The following MAST3 variants were observed in gnomAD, a reference collection of about 807,000 sequenced individuals.
MAST3 encodes microtubule associated serine/threonine kinase 3, also known as microtubule-associated serine/threonine-protein kinase 3.
In MAST3, 43 loss-of-function variants were observed where a neutral mutation model predicts 127.0. The ratio of observed to expected loss-of-function variants is 0.34; its 90% CI spans 0.27 to 0.44. The LOEUF is 0.44. Among genes scored for constraint, MAST3 ranks in the 20% least tolerant of loss-of-function variants. MAST3 has a pLI of 1.00. For missense variants in MAST3, 1,390 were observed against 1,919.1 expected (o/e 0.72, Z 5.15); for synonymous variants, 785 against 809.2 (o/e 0.97, Z 0.51).
intron 1 of MAST3, among the ~76,000 whole-genome samples, chr19:18,098,434 G>A (rs1441441375): frequency 2.0e-5 from 3 of 152,112 alleles, no homozygotes; most frequent in Non-Finnish European, 4.4e-5. Context: ...GTGTGACCTG[G>A]GGGGAGGGCA....
intron 11 of MAST3, among the ~76,000 whole-genome samples, 166 bp downstream of exon 11, chr19:18,124,940 C>CT (rs1555798745): frequency 6.6e-6 from 1 of 150,830 alleles, no homozygotes; most frequent in East Asian, 2.0e-4. Context: ...AACCCCCCCC[C>CT]TACTAAAAAT....
intron 3 of MAST3, among the ~76,000 whole-genome samples, chr19:18,114,888 A>AGCG (rs2039049806): frequency 1.3e-5 from 2 of 152,052 alleles, no homozygotes; most frequent in African/African-American, 4.8e-5. Context: ...TGGTGCTGGG[A>AGCG]GCGGCACAGA....
chr19:18,129,966 G>A (rs1288294888), intron 13 of MAST3, among the ~76,000 whole-genome samples: 1 of 147,316 alleles, frequency 6.8e-6, no homozygotes, highest in Admixed American at 6.8e-5. Context: ...AAATACACAA[G>A]CAGCCAGGTG....
chr19:18,149,996 T>TG lies in MAST3; in HGVS notation c.*270_*271insG, dbSNP rs2043422603. On this transcript the variant is annotated 3_prime_UTR_variant, in exon 28 of 28. Transcript: ENST00000687212. The surrounding 1 kb of genome is among the most constrained non-coding windows in gnomAD (Gnocchi z 5.9). ...ATTACTTTTTTTTTCTTTTTTTTTT[T>TG]TTTTTTTTGAGACAGAGTCTCACTC... is the stretch of plus-strand genomic sequence containing the variant. 1 of 367,302 alleles carries TG rather than the reference T, an allele frequency of 2.7e-6. No homozygotes were observed. The allele number at this position is 367,302 out of a possible 1,614,324, so 22.8% of individuals were successfully genotyped here. A position where few individuals can be genotyped will look rare whatever the true frequency, so the allele number is the denominator to read the frequency against.
chr19:18,128,114 G>T (rs1413690949), intron 11 of MAST3, among the ~76,000 whole-genome samples: 1 of 152,166 alleles, frequency 6.6e-6, no homozygotes, highest in Non-Finnish European at 1.5e-5. Context: ...ACACCCAGGG[G>T]GCCTGTGTCT....
rs766811398 is a variant in MAST3, at chr19:18,123,167, A to C, written c.400-50A>C. The C allele has an allele frequency of 8.1e-5, 130 of 1,603,078 alleles. 1 individual carries two copies. The Admixed American group carries it at 2.2e-3, about 27-fold the overall frequency. On this transcript the variant is annotated intron_variant, in intron 6 of 27. Coordinates refer to ENST00000687212, the MANE Select transcript of MAST3 (RefSeq NM_001393504.1). The stretch of plus-strand genomic sequence containing the variant: ...GAGGGGTGGTGCTGGGTTCCTGGCC[A>C]CAGCACTGACGGTGAACTCATGGCT...
At position 18,128,890 on chromosome 19, in the gene MAST3, C is replaced by T. The variant is rs776335646; in HGVS notation, c.1162C>T (p.Arg388Trp). The change falls in exon 13 of 28, where the codon CGG (arginine) becomes TGG (tryptophan). Residue 388 changes from arginine to tryptophan, a missense_variant. Transcript: ENST00000687212. Reference protein sequence around the residue: ...PESRALVGQSRRKPCESDFET... With the variant: ...PESRALVGQSWRKPCESDFET... ...GAGCCGCGCCCTGGTCGGCCAGTCACGGAGGAAGCCATGCGAAAGCGACTT... is the reference window on the plus strand; with the variant it reads ...GAGCCGCGCCCTGGTCGGCCAGTCATGGAGGAAGCCATGCGAAAGCGACTT... 5.6e-6 allele frequency: 9 copies of T among 1,613,748 alleles called. No individual in the cohort carries two copies. In the East Asian group the frequency reaches 6.7e-5, roughly 12 times the overall value.
At chr19:18,142,873 A>G (rs1052699400) in intron 21 of MAST3, among the ~76,000 whole-genome samples, 3 of 151,772 alleles carry the variant, frequency 2.0e-5, no homozygotes, top group Non-Finnish European at 4.4e-5. Flanking sequence ...CACTTTGGGA[A>G]GCCGAGGCAG....
At chr19:18,132,478 T>C (rs1380345129) in intron 15 of MAST3, among the ~76,000 whole-genome samples, 1 of 152,160 alleles carries the variant, frequency 6.6e-6, no homozygotes, top group African/African-American at 2.4e-5. Flanking sequence ...AGACCTTACA[T>C]GTAAAGACAG....
chr19:18,115,964 G>T (rs926477408), intron 3 of MAST3, among the ~76,000 whole-genome samples: 1 of 152,196 alleles, frequency 6.6e-6, no homozygotes, highest in Non-Finnish European at 1.5e-5. Flanking sequence ...TGCATAGCCA[G>T]CTCCTTCCTC....
chr19:18,130,659 T>G lies in MAST3; in HGVS notation c.1389T>G (p.Phe463Leu), dbSNP rs1467534934. 1 of 1,614,002 alleles carries G rather than the reference T, an allele frequency of 6.2e-7. No homozygotes were observed. Among genetic ancestry groups the G allele is most frequent in the East Asian group, 2.2e-5 (1 of 44,898 alleles). ...TTGTGGTCAGCATGTTCTGCTCCTTTGAGACCCGGCGCCACCTATGTATGG... is the reference window on the plus strand; with the variant it reads ...TTGTGGTCAGCATGTTCTGCTCCTTGGAGACCCGGCGCCACCTATGTATGG... ...NPFVVSMFCS[F>L]ETRRHLCMVM... The change falls in exon 14 of 28, where the codon TTT (phenylalanine) becomes TTG (leucine). Residue 463 changes from phenylalanine (F) to leucine (L), a missense_variant. Phe to Leu is a conservative substitution (Grantham distance 22). This residue lies in a region of MAST3 where 191 missense variants were observed against 409.0 expected (regional missense o/e 0.47). Coordinates refer to ENST00000687212, the MANE Select transcript of MAST3 (RefSeq NM_001393504.1).
At chr19:18,102,194 C>T (rs187123267) in intron 1 of MAST3, among the ~76,000 whole-genome samples, 2 of 140,282 alleles carry the variant, frequency 1.4e-5, no homozygotes, top group Middle Eastern at 5.9e-3. Context: ...TTTTTTGAAA[C>T]GGAGTTTCAC....
At chr19:18,123,547 T>A (rs2040241197) in intron 7 of MAST3, 33 bp from the exon 8 acceptor site, 2 of 1,509,900 alleles carry the variant, frequency 1.3e-6, no homozygotes, top group East Asian at 4.7e-5. Context: ...TGGTCTCAGG[T>A]CCCATATCAC....
intron 6 of MAST3, 77 bp downstream of exon 6, chr19:18,122,828 C>A: frequency 7.0e-7 from 1 of 1,435,428 alleles, no homozygotes; most frequent in Non-Finnish European, 9.6e-7. Flanking sequence ...GTGTTTTTTT[C>A]AAGGTGTTGG....
chr19:18,107,102 C>T (rs1217693103), intron 1 of MAST3, among the ~76,000 whole-genome samples: 3 of 151,090 alleles, frequency 2.0e-5, no homozygotes, highest in Non-Finnish European at 4.4e-5. Context: ...AGGTGTGAGC[C>T]ACCGCACCCG....
chr19:18,146,573 G>A (rs546505855), intron 25 of MAST3, among the ~76,000 whole-genome samples: 1 of 152,260 alleles, frequency 6.6e-6, no homozygotes, highest in South Asian at 2.1e-4. Flanking sequence ...GGGGGATGGG[G>A]AGATGTTGGG....
chr19:18,116,060 T>C (rs896952255), intron 3 of MAST3, among the ~76,000 whole-genome samples: 1 of 151,366 alleles, frequency 6.6e-6, no homozygotes, highest in Admixed American at 6.6e-5. Flanking sequence ...TCCTTTCTCT[T>C]CCCTTCTCAG....
At position 18,141,876 on chromosome 19, in the gene MAST3, TC is replaced by T; in HGVS notation, c.2206-3del. The T allele has an allele frequency of 7.0e-7, 1 of 1,424,394 alleles. No homozygotes were observed. The highest frequency in any genetic ancestry group is 2.8e-5 in the East Asian group (1 of 35,350). The allele number at this position is 1,424,394 out of a possible 1,614,324, so 88.2% of individuals were successfully genotyped here. A position where few individuals can be genotyped will look rare whatever the true frequency, so the allele number is the denominator to read the frequency against. On this transcript the variant is annotated splice_region_variant and splice_polypyrimidine_tract_variant and intron_variant, in intron 20 of 27. Transcript: ENST00000687212. ...CGGCTTACCATTCTTTTGTCTTGCC[TC>T]CCAGGTCTACAGCAGCTCTGAGTTC...
chr19:18,114,890 C>T (rs774567674), intron 3 of MAST3, among the ~76,000 whole-genome samples: 2 of 152,014 alleles, frequency 1.3e-5, no homozygotes, highest in African/African-American at 2.4e-5. Flanking sequence ...GTGCTGGGAG[C>T]GGCACAGATA....
Sources: gnomAD v4.1 joint callset for allele counts (sites outside exome capture counted in the v4.1 genomes callset) on GRCh38, gnomAD v4.1.1 for gene constraint, gnomAD v4.1.1 regional missense constraint, Gnocchi (gnomAD v3.1) non-coding constraint, MANE v1.5 for transcripts, NCBI Gene and HGNC (gene_info 2026-07-23, HGNC 2026-07-21) for gene names.